Variants in GABRR1 observed in about 807,000 individuals in gnomAD.
GABRR1 encodes the protein gamma-aminobutyric acid type A receptor subunit rho1, also known as gamma-aminobutyric acid receptor subunit rho-1.
In GABRR1, 59 loss-of-function variants were observed where a neutral mutation model predicts 55.5. The ratio of observed to expected loss-of-function variants is 1.06; its 90% CI spans 0.86 to 1.32. The LOEUF (loss-of-function observed/expected upper bound fraction) is 1.32, where lower values mean the gene tolerates loss of function less well. Among genes scored for constraint, GABRR1 ranks in the 40% most tolerant of loss-of-function variants. The probability of loss-of-function intolerance (pLI) is 0.00; values close to 1 mark genes in which losing one functional copy is unlikely to be tolerated. For synonymous variants in GABRR1, 213 were observed against 226.0 expected (o/e 0.94, Z 0.51); for missense variants, 602 against 619.1 (o/e 0.97, Z 0.29).
At chr6:89,189,104 G>A (rs1244352021) in intron 6 of GABRR1, among the ~76,000 whole-genome samples, 4 of 151,762 alleles carry the variant, frequency 2.6e-5, no homozygotes, top group South Asian at 2.1e-4. Flanking sequence ...ACCCACATTC[G>A]CTTAGCCCTC....
At chr6:89,199,574 G>T in intron 3 of GABRR1, 145 bp from the exon 4 acceptor site, 1 of 666,264 alleles carries the variant, frequency 1.5e-6, no homozygotes, top group Non-Finnish European at 2.6e-6. Flanking sequence ...AGTCAAACCA[G>T]AGATAAAAGC....
chr6:89,186,428 T>G (rs2127791772), intron 6 of GABRR1, among the ~76,000 whole-genome samples: 1 of 152,364 alleles, frequency 6.6e-6, no homozygotes, highest in Admixed American at 6.5e-5. Context: ...AAATCCCACC[T>G]GTGGCCTGCG....
intron 1 of GABRR1, among the ~76,000 whole-genome samples, chr6:89,229,551 C>G (rs375938161): frequency 4.8e-5 from 7 of 146,476 alleles, no homozygotes; most frequent in South Asian, 4.4e-4. Context: ...TGAAATTCTG[C>G]ATTGAAAATT....
At chr6:89,197,922 A>G in intron 5 of GABRR1, 98 bp downstream of exon 5, 1 of 952,194 alleles carries the variant, frequency 1.1e-6, no homozygotes, top group South Asian at 1.4e-5. Flanking sequence ...CAACTACTGA[A>G]AAGTTAGAAA....
chr6:89,178,955 T>G lies in GABRR1; in HGVS notation c.1255A>C (p.Lys419Gln), dbSNP rs767341814. ...AGCTGCACCATCATCCTGTCGGGCTTCTCTCCATTCTCTGGCATGTAGTTG... is the reference window on the plus strand; with the variant it reads ...AGCTGCACCATCATCCTGTCGGGCTGCTCTCCATTCTCTGGCATGTAGTTG... Reference protein sequence around the residue: ...LDNYMPENGEKPDRMMVQLTL... With the variant: ...LDNYMPENGEQPDRMMVQLTL... The change falls in exon 10 of 10, where the codon AAG becomes CAG. Residue 419 changes from lysine to glutamine, a missense_variant. Physicochemically the swap from Lys to Gln is moderately conservative, Grantham distance 53. This residue lies in a region of GABRR1 where 139 missense variants were observed against 141.1 expected (regional missense o/e 0.99). Coordinates refer to ENST00000454853, the MANE Select transcript of GABRR1 (RefSeq NM_002042.5). The G allele has an allele frequency of 6.2e-7, 1 of 1,614,186 alleles. No individual in the cohort carries two copies. Among genetic ancestry groups the G allele is most frequent in the South Asian group, 1.1e-5 (1 of 91,084 alleles).
chr6:89,186,653 C>A (rs1449902330), intron 6 of GABRR1, among the ~76,000 whole-genome samples: 1 of 152,242 alleles, frequency 6.6e-6, no homozygotes, highest in Admixed American at 6.5e-5. Context: ...GCTGCCCAGG[C>A]ATAGTGGGGA....
At position 89,190,209 on chromosome 6, in the gene GABRR1, C is replaced by T. The variant is rs767116686; in HGVS notation, c.611G>A (p.Arg204Gln). ...GCACGTTTGTGTGTCCAAGGGAAAT[C>T]GGCTGAAGTCCATGTTGCACATTGC... ...VTAMCNMDFSRFPLDTQTCSL... is the reference protein window; with the variant it reads ...VTAMCNMDFSQFPLDTQTCSL... The change falls in exon 6 of 10, where the codon CGA (arginine) becomes CAA (glutamine). Residue 204 changes from arginine (R) to glutamine (Q), a missense_variant. By Grantham distance (43) the Arg-to-Gln change is conservative (BLOSUM62 1). This residue lies in a region of GABRR1 where 435 missense variants were observed against 424.2 expected (regional missense o/e 1.03). Coordinates refer to ENST00000454853, the MANE Select transcript of GABRR1 (RefSeq NM_002042.5). 8.1e-6 allele frequency: 13 copies of T among 1,611,416 alleles called. No homozygotes were observed. Among genetic ancestry groups the T allele is most frequent in the African/African-American group, 1.3e-5 (1 of 74,836 alleles).
chr6:89,183,079 CTCT>C (rs1394669012), intron 7 of GABRR1, among the ~76,000 whole-genome samples: 1 of 147,994 alleles, frequency 6.8e-6, no homozygotes, highest in Non-Finnish European at 1.5e-5. Context: ...TACATTTTAG[CTCT>C]TCTTTTGTGT....
chr6:89,223,965 T>C (rs1048438499), intron 1 of GABRR1, among the ~76,000 whole-genome samples: 2 of 152,168 alleles, frequency 1.3e-5, no homozygotes, highest in African/African-American at 4.8e-5. Context: ...GGTTTCACCA[T>C]GTTGGCCAGA....
At chr6:89,179,801 C>T (rs758237209) in intron 9 of GABRR1, among the ~76,000 whole-genome samples, 2 of 152,076 alleles carry the variant, frequency 1.3e-5, no homozygotes, top group Non-Finnish European at 2.9e-5. Flanking sequence ...TTGAGCTGCA[C>T]ACTGGAGGAG....
chr6:89,209,854 A>G (rs957100106), intron 1 of GABRR1, among the ~76,000 whole-genome samples: 5 of 152,106 alleles, frequency 3.3e-5, no homozygotes, highest in African/African-American at 1.2e-4. Flanking sequence ...AGATGGGGGG[A>G]ATAATACTAA....
chr6:89,181,754 T>C (rs1771727784), intron 8 of GABRR1, 151 bp downstream of exon 8: 1 of 781,634 alleles, frequency 1.3e-6, no homozygotes, highest in South Asian at 2.7e-5. Flanking sequence ...ATTACAGGAT[T>C]TTAACTATAA....
At chr6:89,201,846 A>G (rs964796693) in intron 2 of GABRR1, among the ~76,000 whole-genome samples, 2 of 152,068 alleles carry the variant, frequency 1.3e-5, no homozygotes, top group African/African-American at 4.8e-5. Flanking sequence ...CTGTCTGGGA[A>G]TAGGGCCTGG....
chr6:89,221,739 T>C (rs139017931), upstream of GABRR1, among the ~76,000 whole-genome samples: 22 of 152,198 alleles, frequency 1.4e-4, no homozygotes, highest in Non-Finnish European at 2.5e-4. Flanking sequence ...TCTCCCAGCA[T>C]TGGACTGGCC....
At position 89,217,254 on chromosome 6, in the gene GABRR1, T is replaced by C. The variant is rs897823334; in HGVS notation, c.69A>G (p.Glu23=). The change falls in exon 1 of 10, where the codon GAA becomes GAG. Residue 23 remains glutamate, a synonymous_variant. Coordinates refer to ENST00000454853, the MANE Select transcript of GABRR1 (RefSeq NM_002042.5). ...CTCTTCCGGGCCAGTGCATTCTGCT[T>C]TCAGTGGCCAAAACCCATCCCCACC... is the stretch of plus-strand genomic sequence containing the variant. ...LLWWGWVLAT[E]SRMHWPGREV... The C allele has an allele frequency of 6.2e-7, 1 of 1,613,986 alleles. No homozygotes were observed. Among genetic ancestry groups the C allele is most frequent in the African/African-American group, 1.3e-5 (1 of 74,890 alleles).
chr6:89,204,235 C>T (rs560362664), intron 1 of GABRR1, among the ~76,000 whole-genome samples: 1 of 152,230 alleles, frequency 6.6e-6, no homozygotes, highest in African/African-American at 2.4e-5. Context: ...TGTTTTCTGC[C>T]AGGACTCGAC....
chr6:89,191,728 C>T (rs1254677240), intron 5 of GABRR1, among the ~76,000 whole-genome samples: 2 of 152,174 alleles, frequency 1.3e-5, no homozygotes, highest in South Asian at 2.1e-4. Context: ...TGGCAGGTCC[C>T]GTGGCTCTTC....
Position 89,182,019 on chromosome 6 carries a change from G to A in GABRR1, c.835C>T (p.Arg279Cys), listed in dbSNP as rs762887006. The change falls in exon 8 of 10, where the codon CGC becomes TGC. Residue 279 changes from arginine (R) to cysteine (C), a missense_variant. Arg to Cys is a radical substitution (Grantham distance 180). Transcript: ENST00000454853. ...TGGAGCAAGAAGAAGAAGATGTGGC[G>A]ACGCAACGTGAAATTAATGTAGAGA... ...NRLYINFTLR[R>C]HIFFFLLQTY... is the part of the protein sequence containing the mutation. 5.0e-6 allele frequency: 8 copies of A among 1,613,998 alleles called. No individual in the cohort carries two copies. The highest frequency in any genetic ancestry group is 2.2e-5 in the East Asian group (1 of 44,894).
At chr6:89,181,647 C>T (rs775986787) in intron 8 of GABRR1, among the ~76,000 whole-genome samples, 10 of 152,126 alleles carry the variant, frequency 6.6e-5, no homozygotes, top group East Asian at 1.9e-4. Flanking sequence ...AGACCAGGCT[C>T]GCCCACCCTG....
Sources: gnomAD v4.1 joint callset for allele counts (sites outside exome capture counted in the v4.1 genomes callset) on GRCh38, gnomAD v4.1.1 for gene constraint, gnomAD v4.1.1 regional missense constraint, MANE v1.5 for transcripts, NCBI Gene and HGNC (gene_info 2026-07-23, HGNC 2026-07-21) for gene names.